COLEC12: variants seen among roughly 807,000 people sequenced by gnomAD.
COLEC12 encodes the protein collectin-12.
Under a neutral mutation model 71.1 loss-of-function variants are expected in COLEC12, and 33 were observed. That is an observed-to-expected ratio of 0.46 (90% CI 0.35 to 0.62). The LOEUF (loss-of-function observed/expected upper bound fraction) is 0.62, where lower values mean the gene tolerates loss of function less well. COLEC12 is among the 20% of genes least tolerant of loss of function. The probability of loss-of-function intolerance (pLI) is 0.00; values close to 1 mark genes in which losing one functional copy is unlikely to be tolerated. For synonymous variants in COLEC12, 350 were observed against 353.0 expected, an observed-to-expected ratio of 0.99 and a Z score of 0.10; for missense variants, 765 against 916.1, an observed-to-expected ratio of 0.84 and a Z score of 2.13.
intron 2 of COLEC12, among the ~76,000 whole-genome samples, chr18:452,284 T>C (rs11081114): frequency 0.43 from 65,445 of 152,084 alleles, 14,326 homozygotes; most frequent in East Asian, 0.66. Context: ...CTACCATCTA[T>C]GGGCCTATAA....
chr18:490,871 C>A (rs553660631), intron 1 of COLEC12, among the ~76,000 whole-genome samples: 2 of 152,354 alleles, frequency 1.3e-5, no homozygotes, highest in South Asian at 2.1e-4. Context: ...AGGGACTAGG[C>A]TGAAGTTAGA....
chr18:458,618 T>C (rs1916916989), intron 2 of COLEC12, among the ~76,000 whole-genome samples: 1 of 152,228 alleles, frequency 6.6e-6, no homozygotes, highest in Non-Finnish European at 1.5e-5. Context: ...CCTGATGGGG[T>C]AGCTTCTCCC....
intron 5 of COLEC12, among the ~76,000 whole-genome samples, chr18:338,382 C>T (rs954996650): frequency 6.6e-6 from 1 of 152,148 alleles, no homozygotes; most frequent in African/African-American, 2.4e-5. Flanking sequence ...CAATTTGTGC[C>T]CCAGGTGAGA....
chr18:377,728 C>G (rs1598344304), intron 2 of COLEC12, among the ~76,000 whole-genome samples: 1 of 152,158 alleles, frequency 6.6e-6, no homozygotes, highest in East Asian at 1.9e-4. Flanking sequence ...AATCCTTTGT[C>G]TATTCAGAGC....
rs780654371 is a variant in COLEC12 at position 321,726 on chromosome 18, C to T, written c.2145G>A (p.Gly715=). The part of the protein sequence containing the change: ...GEDCAGLIYA[G]QWNDFQCEDV... ...CTTCACATTGGAAATCGTTCCACTG[C>T]CCAGCATAAATCAACCCAGCACAGT... The change falls in exon 9 of 10, where the codon GGG becomes GGA. Residue 715 remains glycine (G), a synonymous_variant. Transcript: ENST00000400256. 2 of 1,614,202 alleles carry T rather than the reference C, an allele frequency of 1.2e-6. No homozygotes were observed. Among genetic ancestry groups the T allele is most frequent in the Middle Eastern group, 1.6e-4 (1 of 6,062 alleles).
chr18:337,540 T>C (rs1473294763), intron 5 of COLEC12, among the ~76,000 whole-genome samples: 2 of 152,214 alleles, frequency 1.3e-5, no homozygotes, highest in Non-Finnish European at 2.9e-5. Context: ...GAGTTTACGC[T>C]AATGGCAAGG....
At chr18:329,558 G>A (rs1913923120) in intron 8 of COLEC12, among the ~76,000 whole-genome samples, 1 of 152,160 alleles carries the variant, frequency 6.6e-6, no homozygotes, top group Non-Finnish European at 1.5e-5. Context: ...TCCCTGCTGT[G>A]TTGGGCACTT....
rs138407918 is a variant in COLEC12, at chr18:419,425, C to T, written c.58+61282G>A. Among the ~76,000 whole-genome samples the T allele has an allele frequency of 7.2e-5, 11 of 152,294 alleles. 2 individuals carry two copies. The highest frequency in any genetic ancestry group is 2.4e-4 in the African/African-American group (10 of 41,566). ...TTCACCATATTGGTCAGGCTGGTCT[C>T]AAACTCCTGACCTCAGGTGATCTGC... On this transcript the variant is annotated intron_variant, in intron 2 of 9. Transcript: ENST00000400256.
intron 3 of COLEC12, among the ~76,000 whole-genome samples, chr18:352,118 A>G (rs1914536187): frequency 6.6e-6 from 1 of 152,202 alleles, no homozygotes; most frequent in Non-Finnish European, 1.5e-5. Context: ...AGACAGAGAG[A>G]TGCAGTTCTA....
At chr18:388,301 A>G (rs1469192000) in intron 2 of COLEC12, among the ~76,000 whole-genome samples, 4 of 152,196 alleles carry the variant, frequency 2.6e-5, no homozygotes, top group African/African-American at 9.7e-5. Flanking sequence ...TTATAGTCAA[A>G]TACCACCTCA....
At chr18:442,082 G>GTGAGACTCTCTCTACAC (rs1916554019) in intron 2 of COLEC12, among the ~76,000 whole-genome samples, 1 of 151,340 alleles carries the variant, frequency 6.6e-6, no homozygotes, top group African/African-American at 2.4e-5. Flanking sequence ...TGGGGACTGA[G>GTGAGACTCTCTCTACAC]AAGGTTATGG....
At chr18:488,198 G>A (rs1223724763) in intron 1 of COLEC12, among the ~76,000 whole-genome samples, 1 of 151,926 alleles carries the variant, frequency 6.6e-6, no homozygotes, top group African/African-American at 2.4e-5. Flanking sequence ...ATCACTTGAG[G>A]TCATGAGTTT....
At chr18:348,827 T>C (rs1041090040) in intron 3 of COLEC12, among the ~76,000 whole-genome samples, 1 of 152,164 alleles carries the variant, frequency 6.6e-6, no homozygotes, top group African/African-American at 2.4e-5. Flanking sequence ...TTGGTAGTAT[T>C]TTCTTGATTG....
chr18:423,413 T>C (rs1567903708), intron 2 of COLEC12, among the ~76,000 whole-genome samples: 9 of 152,230 alleles, frequency 5.9e-5, no homozygotes, highest in Admixed American at 5.9e-4. Context: ...ATTATTTTCT[T>C]CCAAATAAAA....
intron 2 of COLEC12, among the ~76,000 whole-genome samples, chr18:419,148 CTTCTATTCTATTCTATTCTA>C (rs57522856): frequency 0.039 from 5,607 of 145,476 alleles, 183 homozygotes; most frequent in Admixed American, 0.11. Flanking sequence ...AGGCATCATA[CTTCTATTCTATTCTATTCTA>C]TTCTATTCTA....
intron 4 of COLEC12, 21 bp from the exon 5 acceptor site, chr18:347,362 G>A (rs1914408839): frequency 6.3e-7 from 1 of 1,591,864 alleles, no homozygotes; most frequent in Admixed American, 1.7e-5. Context: ...AAATATCTGT[G>A]ACTTATATTG....
chr18:419,341 G>A (rs772186014), intron 2 of COLEC12, among the ~76,000 whole-genome samples: 1 of 152,118 alleles, frequency 6.6e-6, no homozygotes, highest in South Asian at 2.1e-4. Flanking sequence ...GAGTAGCTGG[G>A]ACTACAGGCG....
At chr18:336,688 C>A (rs1347929674) in intron 5 of COLEC12, among the ~76,000 whole-genome samples, 1 of 152,052 alleles carries the variant, frequency 6.6e-6, no homozygotes. Flanking sequence ...GAACAGATAC[C>A]AAGGAGAGTA....
Position 404,437 on chromosome 18 carries a change from C to CT in COLEC12, c.59-46916dup, listed in dbSNP as rs535553279. 7.4e-3 allele frequency among the ~76,000 whole-genome samples: 1,127 copies of CT among 152,152 alleles called. 10 individuals are homozygous for CT. Among genetic ancestry groups the CT allele is most frequent in the Non-Finnish European group, 0.012 (834 of 68,000 alleles). On this transcript the variant is annotated intron_variant, in intron 2 of 9. Transcript: ENST00000400256. Reference sequence around the variant, plus strand: ...TAGCTTATGATGTTGTAAGCCGCGGCTTTTTTTACCAAGTCATGAACTTGT... The same window carrying CT: ...TAGCTTATGATGTTGTAAGCCGCGGCTTTTTTTTACCAAGTCATGAACTTGT...
Sources: gnomAD v4.1 joint callset for allele counts (sites outside exome capture counted in the v4.1 genomes callset) on GRCh38, gnomAD v4.1.1 for gene constraint, MANE v1.5 for transcripts, NCBI Gene and HGNC (gene_info 2026-07-23, HGNC 2026-07-21) for gene names.